The following ZFPM2 variants were observed in gnomAD, a reference collection of about 807,000 sequenced individuals.
ZFPM2 encodes zinc finger protein ZFPM2.
A neutral mutation model predicts 98.6 loss-of-function variants in ZFPM2; 20 were observed. The observed-to-expected ratio is 0.20, with a 90% CI of 0.14 to 0.29. The LOEUF is 0.29. Ranked by LOEUF, ZFPM2 falls within the 10% of genes least tolerant of loss-of-function variation. The pLI is 1.00. For missense variants in ZFPM2, 1,310 were observed against 1,388.6 expected (o/e 0.94, Z 0.90); for synonymous variants, 518 against 502.7 (o/e 1.03, Z -0.41).
At chr8:105,580,967 T>C (rs1472687781) in intron 4 of ZFPM2, among the ~76,000 whole-genome samples, 2 of 151,932 alleles carry the variant, frequency 1.3e-5, no homozygotes, top group Non-Finnish European at 2.9e-5. Context: ...GTTATCTCTA[T>C]TTTATAAAAG....
At chr8:105,579,008 C>G (rs1169892659) in intron 4 of ZFPM2, among the ~76,000 whole-genome samples, 1 of 151,982 alleles carries the variant, frequency 6.6e-6, no homozygotes, top group Non-Finnish European at 1.5e-5. Context: ...ATAAGTAAAC[C>G]TTCTGTTGAA....
chr8:105,405,836 A>C (rs1811441204), intron 1 of ZFPM2, among the ~76,000 whole-genome samples: 1 of 152,104 alleles, frequency 6.6e-6, no homozygotes, highest in Admixed American at 6.5e-5. Flanking sequence ...CTAGTTCTAG[A>C]TCCCTGACGA....
intron 5 of ZFPM2, among the ~76,000 whole-genome samples, chr8:105,708,815 T>C (rs548379528): frequency 5.1e-4 from 78 of 152,232 alleles, no homozygotes; most frequent in African/African-American, 1.9e-3. Context: ...GAATACAAAA[T>C]GGCAAAAACC....
intron 5 of ZFPM2, among the ~76,000 whole-genome samples, chr8:105,758,104 CTTA>C (rs920723638): frequency 5.9e-5 from 9 of 152,232 alleles, no homozygotes; most frequent in Middle Eastern, 3.4e-3. Context: ...ATGACAATTG[CTTA>C]TTAATAATAT....
chr8:105,481,387 C>G (rs1419069023), intron 3 of ZFPM2, among the ~76,000 whole-genome samples: 1 of 152,044 alleles, frequency 6.6e-6, no homozygotes, highest in African/African-American at 2.4e-5. Context: ...GGTGGGGGCT[C>G]CCTTCCTGGC....
At chr8:105,403,666 A>C (rs1811383226) in intron 1 of ZFPM2, among the ~76,000 whole-genome samples, 1 of 152,006 alleles carries the variant, frequency 6.6e-6, no homozygotes. Context: ...GGTGCACTTA[A>C]CATATACATT....
intron 3 of ZFPM2, among the ~76,000 whole-genome samples, chr8:105,482,557 C>T (rs369168515): frequency 6.6e-6 from 1 of 151,764 alleles, no homozygotes; most frequent in Non-Finnish European, 1.5e-5. Flanking sequence ...TCTTTTTTCC[C>T]CTCTACCAAC....
In ZFPM2 at chr8:105,634,294, T is replaced by C. The variant is rs1361440140; in HGVS notation, c.469T>C (p.Leu157=). Residue 157 remains leucine, a synonymous_variant, in exon 5 of 8, where the codon TTG becomes CTG. Transcript: ENST00000407775. ...PMVLTAGPKW[L]LDVTWQGVED... is the part of the protein sequence containing the mutation. The stretch of plus-strand genomic sequence containing the variant: ...GGTGCTGACTGCTGGTCCCAAGTGG[T>C]TGCTGGATGTGACTTGGCAAGGAGT... 9 of 1,613,078 alleles carry C rather than the reference T, an allele frequency of 5.6e-6. No homozygotes were observed. The highest frequency in any genetic ancestry group is 6.8e-6 in the Non-Finnish European group (8 of 1,179,558).
chr8:105,339,904 G>A (rs1294557831), intron 1 of ZFPM2, among the ~76,000 whole-genome samples: 1 of 151,896 alleles, frequency 6.6e-6, no homozygotes, highest in Non-Finnish European at 1.5e-5. Context: ...GTTTTCGTTA[G>A]TGCGAGAATA....
In ZFPM2 at chr8:105,801,524, C is replaced by T. The variant is rs1291229270; in HGVS notation, c.1442C>T (p.Ser481Leu). The T allele has an allele frequency of 1.9e-6, 3 of 1,613,858 alleles. No homozygotes were observed. Among genetic ancestry groups the T allele is most frequent in the African/African-American group, 2.7e-5 (2 of 74,924 alleles). ...GAGCCCTCTAGCCCAAGACTTGCCTCATCTCCAGTTCAGCCTAATATTGGG... is the reference window on the plus strand; with the variant it reads ...GAGCCCTCTAGCCCAAGACTTGCCTTATCTCCAGTTCAGCCTAATATTGGG... ...KSEPSSPRLA[S>L]SPVQPNIGPS... Residue 481 changes from serine (S) to leucine (L), a missense_variant, in exon 8 of 8, where the codon TCA (serine) becomes TTA (leucine). By Grantham distance (145) the Ser-to-Leu change is moderately radical. Transcript: ENST00000407775.
At chr8:105,463,805 T>A (rs1415744757) in intron 3 of ZFPM2, among the ~76,000 whole-genome samples, 1 of 152,064 alleles carries the variant, frequency 6.6e-6, no homozygotes, top group Non-Finnish European at 1.5e-5. Flanking sequence ...GACTGCATAT[T>A]TTATTGCCAT....
chr8:105,742,467 G>A lies in ZFPM2; in HGVS notation c.533-46251G>A, dbSNP rs193136368. On this transcript the variant is annotated intron_variant, in intron 5 of 7. Transcript: ENST00000407775. The stretch of plus-strand genomic sequence containing the variant: ...AGGAGGTATAGTTTGAGAATGGGAT[G>A]GTGAGATGTGAAATTAGATAAGAGA... Among the ~76,000 whole-genome samples, 634 of 151,790 alleles carry A rather than the reference G, an allele frequency of 4.2e-3. 2 individuals carry two copies. Among genetic ancestry groups the A allele is most frequent in the Non-Finnish European group, 7.3e-3 (498 of 67,882 alleles).
At chr8:105,565,919 A>G (rs772095378) in intron 4 of ZFPM2, among the ~76,000 whole-genome samples, 1 of 152,196 alleles carries the variant, frequency 6.6e-6, no homozygotes, top group African/African-American at 2.4e-5. Flanking sequence ...GTTATAAGGA[A>G]TTGGCTTGTC....
At chr8:105,700,868 G>A (rs1811126497) in intron 5 of ZFPM2, among the ~76,000 whole-genome samples, 1 of 152,204 alleles carries the variant, frequency 6.6e-6, no homozygotes, top group Non-Finnish European at 1.5e-5. Flanking sequence ...TGGGATTACA[G>A]GCGTGAGCCA....
At chr8:105,795,542 A>C (rs1210946401) in intron 6 of ZFPM2, among the ~76,000 whole-genome samples, 1 of 152,040 alleles carries the variant, frequency 6.6e-6, no homozygotes, top group Non-Finnish European at 1.5e-5. Flanking sequence ...GTTTGATTAG[A>C]TATACTAACA....
At chr8:105,352,693 T>G in intron 1 of ZFPM2, among the ~76,000 whole-genome samples, 1 of 152,184 alleles carries the variant, frequency 6.6e-6, no homozygotes, top group East Asian at 1.9e-4. Flanking sequence ...TTATCCTTTC[T>G]CAGATGTCTC....
chr8:105,634,530 T>G (rs1269020905), intron 5 of ZFPM2, among the ~76,000 whole-genome samples, 173 bp downstream of exon 5: 1 of 152,160 alleles, frequency 6.6e-6, no homozygotes, highest in Non-Finnish European at 1.5e-5. Context: ...TTTTCTTTTT[T>G]TTCTGTACAA....
intron 3 of ZFPM2, among the ~76,000 whole-genome samples, chr8:105,480,810 G>A (rs917728299): frequency 2.7e-5 from 4 of 150,890 alleles, no homozygotes; most frequent in African/African-American, 9.8e-5. Context: ...GAGTACTGTG[G>A]CAGGATCTCG....
intron 3 of ZFPM2, among the ~76,000 whole-genome samples, chr8:105,521,517 A>G (rs372727996): frequency 4.0e-4 from 61 of 152,302 alleles, no homozygotes; most frequent in African/African-American, 1.5e-3. Flanking sequence ...AAAATTGTAG[A>G]AAAAATATGG....
Sources: gnomAD v4.1 joint callset for allele counts (sites outside exome capture counted in the v4.1 genomes callset) on GRCh38, gnomAD v4.1.1 for gene constraint, MANE v1.5 for transcripts, NCBI Gene and HGNC (gene_info 2026-07-23, HGNC 2026-07-21) for gene names.